The following ARMC2 variants were observed in gnomAD, a reference collection of about 807,000 sequenced individuals.
The protein encoded by ARMC2 is armadillo repeat-containing protein 2.
In ARMC2, 67 loss-of-function variants were observed where a neutral mutation model predicts 90.3. The ratio of observed to expected loss-of-function variants is 0.74; its 90% confidence interval spans 0.61 to 0.91. The LOEUF is 0.91. ARMC2 is among the 40% of genes least tolerant of loss of function. ARMC2 has a pLI of 0.00. For missense variants in ARMC2, 920 were observed against 1,030.9 expected, an observed-to-expected ratio of 0.89 and a Z score of 1.47; for synonymous variants, 393 against 393.0, an observed-to-expected ratio of 1.00 and a Z score of 0.00.
intron 9 of ARMC2, among the ~76,000 whole-genome samples, chr6:108,911,476 A>C (rs1320659031): frequency 6.6e-6 from 1 of 152,164 alleles, no homozygotes; most frequent in Non-Finnish European, 1.5e-5. Context: ...TTGTACTTCT[A>C]AGTAATTAAG....
chr6:108,952,095 T>C (rs1777232910), intron 12 of ARMC2, among the ~76,000 whole-genome samples: 1 of 152,190 alleles, frequency 6.6e-6, no homozygotes, highest in Admixed American at 6.5e-5. Flanking sequence ...TATATATAGA[T>C]ATAGATATAA....
chr6:108,977,297 C>T (rs1209456820), downstream of ARMC2, among the ~76,000 whole-genome samples: 3 of 152,218 alleles, frequency 2.0e-5, no homozygotes, highest in East Asian at 1.9e-4. Context: ...TTATGGATTA[C>T]GTTTATTGAT....
chr6:108,854,572 A>G, intron 2 of ARMC2, 87 bp downstream of exon 2: 1 of 1,320,114 alleles, frequency 7.6e-7, no homozygotes, highest in Non-Finnish European at 1.1e-6. Context: ...TTAGCTTTTA[A>G]AAATAGACTT....
the ARMC2 span, among the ~76,000 whole-genome samples, chr6:109,009,158 C>T: frequency 6.6e-6 from 1 of 152,218 alleles, no homozygotes; most frequent in Admixed American, 6.5e-5. Flanking sequence ...CCACCCACCG[C>T]AGGCAACCCC....
At chr6:108,871,030 C>A (rs1776354892) in intron 4 of ARMC2, among the ~76,000 whole-genome samples, 1 of 152,164 alleles carries the variant, frequency 6.6e-6, no homozygotes, top group Non-Finnish European at 1.5e-5. Flanking sequence ...GAGCTGGCAG[C>A]TGAATAGGAA....
the ARMC2 span, among the ~76,000 whole-genome samples, chr6:109,021,688 C>T: frequency 7.2e-5 from 11 of 151,998 alleles, no homozygotes; most frequent in Non-Finnish European, 1.5e-4. Context: ...GTGATCCGCC[C>T]GCCTTGGCCT....
intron 2 of ARMC2, 83 bp downstream of exon 2, chr6:108,854,568 TTTAAAAA>T: frequency 7.3e-7 from 1 of 1,363,672 alleles, no homozygotes; most frequent in Non-Finnish European, 1.0e-6. Flanking sequence ...AAGGTTAGCT[TTTAAAAA>T]TAGACTTATT....
rs930303448 is a variant in ARMC2, at chr6:108,962,209, A to C, written c.2152+82A>C. ...GTGGTTTTGCAGCTTGAGTCATTAC[A>C]GTGTTATACTTGTTTCCGTTTTGAG... On this transcript the variant is annotated intron_variant, in intron 15 of 17. Coordinates refer to ENST00000392644, the MANE Select transcript of ARMC2 (RefSeq NM_032131.6). 5.5e-6 allele frequency: 6 copies of C among 1,087,654 alleles called. No individual in the cohort carries two copies. The Admixed American group carries it at 6.9e-5, about 13-fold the overall frequency. 67.4% of individuals were successfully genotyped at this position (1,087,654 alleles called of 1,614,324 possible).
chr6:109,050,181 G>A, the ARMC2 span, among the ~76,000 whole-genome samples: 1 of 152,100 alleles, frequency 6.6e-6, no homozygotes, highest in Non-Finnish European at 1.5e-5. Flanking sequence ...ACAATGGAAG[G>A]GAGGAACTTC....
chr6:109,012,771 A>G, the ARMC2 span, among the ~76,000 whole-genome samples: 284 of 152,276 alleles, frequency 1.9e-3, no homozygotes, highest in Middle Eastern at 6.8e-3. Context: ...AGGAAGCTCA[A>G]TGGGTCTGGA....
intron 5 of ARMC2, among the ~76,000 whole-genome samples, chr6:108,880,777 C>CCT (rs1554239087): frequency 6.9e-6 from 1 of 145,210 alleles, no homozygotes; most frequent in Non-Finnish European, 1.5e-5. Flanking sequence ...TCCCTTCCCT[C>CCT]TCCTTCCTTC....
At chr6:108,892,632 G>T (rs1001286828) in intron 5 of ARMC2, among the ~76,000 whole-genome samples, 1 of 151,794 alleles carries the variant, frequency 6.6e-6, no homozygotes, top group Non-Finnish European at 1.5e-5. Context: ...GGTGGCACAC[G>T]CCTGTAATCC....
At chr6:108,990,575 G>A in the ARMC2 span, 3 of 1,364,090 alleles carry the variant, frequency 2.2e-6, no homozygotes, top group South Asian at 1.2e-5. Context: ...ATGTGCATGT[G>A]CGCTCCAAGC....
At chr6:108,873,408 C>T (rs1250798333) in intron 4 of ARMC2, among the ~76,000 whole-genome samples, 6 of 152,098 alleles carry the variant, frequency 3.9e-5, no homozygotes, top group Admixed American at 2.6e-4. Flanking sequence ...CCAGCCCCAG[C>T]GTAACATTCC....
At chr6:108,890,460 C>G (rs941479818) in intron 5 of ARMC2, among the ~76,000 whole-genome samples, 1 of 152,090 alleles carries the variant, frequency 6.6e-6, no homozygotes, top group Non-Finnish European at 1.5e-5. Context: ...CGCAGTGGCT[C>G]ACACCTGTAA....
At chr6:108,924,612 G>C (rs920671801) in intron 10 of ARMC2, among the ~76,000 whole-genome samples, 3 of 152,248 alleles carry the variant, frequency 2.0e-5, no homozygotes, top group African/African-American at 7.2e-5. Flanking sequence ...AAGGGTTGAG[G>C]ACCTCATGTG....
chr6:108,917,975 C>T (rs1774143305), intron 10 of ARMC2, among the ~76,000 whole-genome samples: 1 of 152,112 alleles, frequency 6.6e-6, no homozygotes, highest in Non-Finnish European at 1.5e-5. Context: ...GCTACTGCTC[C>T]CGGCCGAAAT....
chr6:108,849,915 C>G (rs1260423781), intron 1 of ARMC2, among the ~76,000 whole-genome samples: 4 of 152,336 alleles, frequency 2.6e-5, no homozygotes, highest in African/African-American at 9.6e-5. Context: ...ACCACTGCCT[C>G]TTTGGATGCT....
chr6:108,890,910 C>T (rs1443937602), intron 5 of ARMC2, among the ~76,000 whole-genome samples: 1 of 149,588 alleles, frequency 6.7e-6, no homozygotes, highest in African/African-American at 2.5e-5. Context: ...CCCCTAGCCC[C>T]CCACCCCCCG....
Sources: allele counts gnomAD v4.1 joint callset (sites outside exome capture counted in the v4.1 genomes callset), GRCh38; gene constraint gnomAD v4.1.1; transcripts MANE v1.5; gene names NCBI Gene and HGNC (gene_info 2026-07-23, HGNC 2026-07-21).